The following NOS1AP variants were observed in gnomAD, a reference collection of about 807,000 sequenced individuals.
The protein encoded by NOS1AP is carboxyl-terminal PDZ ligand of neuronal nitric oxide synthase protein.
NOS1AP carries 21 observed loss-of-function variants against 56.2 expected under a neutral mutation model. That is an observed-to-expected ratio of 0.37 (90% CI 0.26 to 0.54). The LOEUF (loss-of-function observed/expected upper bound fraction) is 0.54, where lower values mean the gene tolerates loss of function less well. Ranked by LOEUF, NOS1AP falls within the 20% of genes least tolerant of loss-of-function variation. The pLI, the probability that NOS1AP is intolerant of heterozygous loss-of-function variation, is 0.84. For missense variants in NOS1AP, 522 were observed against 657.8 expected, an observed-to-expected ratio of 0.79 and a Z score of 2.26; for synonymous variants, 270 against 274.6, an observed-to-expected ratio of 0.98 and a Z score of 0.17.
chr1:162,260,408 G>A (rs749135382), intron 2 of NOS1AP, among the ~76,000 whole-genome samples: 6 of 152,066 alleles, frequency 3.9e-5, no homozygotes, highest in Non-Finnish European at 8.8e-5. Context: ...CTAGGGCTTG[G>A]TATTCAGAAC....
intron 1 of NOS1AP, among the ~76,000 whole-genome samples, chr1:162,094,388 T>G (rs551083905): frequency 6.6e-6 from 1 of 152,322 alleles, no homozygotes; most frequent in South Asian, 2.1e-4. Context: ...GATTGAAATG[T>G]TGGTGGTGTG....
At chr1:162,257,785 C>T (rs1654081496) in intron 2 of NOS1AP, among the ~76,000 whole-genome samples, 1 of 152,082 alleles carries the variant, frequency 6.6e-6, no homozygotes, top group Non-Finnish European at 1.5e-5. Context: ...TATCTTGAGG[C>T]CTCTGTGGCA....
intron 3 of NOS1AP, among the ~76,000 whole-genome samples, chr1:162,292,653 T>C (rs906681284): frequency 3.9e-5 from 6 of 152,186 alleles, no homozygotes; most frequent in African/African-American, 1.4e-4. Context: ...TTGGACCCCT[T>C]TGGATAATAA....
intron 2 of NOS1AP, among the ~76,000 whole-genome samples, chr1:162,239,824 G>A (rs1653426614): frequency 6.6e-6 from 1 of 152,222 alleles, no homozygotes; most frequent in Non-Finnish European, 1.5e-5. Flanking sequence ...AACTCAATGA[G>A]TATAATGACT....
intron 4 of NOS1AP, among the ~76,000 whole-genome samples, chr1:162,320,722 C>T (rs1022527679): frequency 3.3e-5 from 5 of 152,142 alleles, no homozygotes; most frequent in Admixed American, 2.0e-4. Context: ...AGCGTGGTGG[C>T]GCGCGCCTGT....
chr1:162,097,783 C>T (rs1208449959), intron 1 of NOS1AP, among the ~76,000 whole-genome samples: 1 of 152,184 alleles, frequency 6.6e-6, no homozygotes, highest in Non-Finnish European at 1.5e-5. Context: ...TGCGATCTAG[C>T]GGGATGATTC....
chr1:162,072,339 T>C (rs928476190), intron 1 of NOS1AP, among the ~76,000 whole-genome samples: 1 of 152,166 alleles, frequency 6.6e-6, no homozygotes, highest in African/African-American at 2.4e-5. Context: ...TTGAGAAATA[T>C]TGGGCTTGAG....
At chr1:162,156,365 C>T (rs976972104) in intron 2 of NOS1AP, among the ~76,000 whole-genome samples, 9 of 152,094 alleles carry the variant, frequency 5.9e-5, no homozygotes, top group Admixed American at 3.3e-4. Flanking sequence ...AGGCATGTGG[C>T]CTGAATGCAT....
chr1:162,287,267 C>T, intron 2 of NOS1AP, 77 bp from the exon 3 acceptor site: 1 of 1,053,548 alleles, frequency 9.5e-7, no homozygotes, highest in Non-Finnish European at 1.5e-6. Flanking sequence ...TTTTTCCAGG[C>T]ATGGGCTAGC....
At chr1:162,166,274 C>G (rs974710700) in intron 2 of NOS1AP, among the ~76,000 whole-genome samples, 1 of 152,230 alleles carries the variant, frequency 6.6e-6, no homozygotes, top group African/African-American at 2.4e-5. Context: ...TAGGCATTGT[C>G]CTACTTAAAA....
intron 9 of NOS1AP, among the ~76,000 whole-genome samples, chr1:162,366,085 C>T (rs1658076235): frequency 6.6e-6 from 1 of 152,202 alleles, no homozygotes; most frequent in Non-Finnish European, 1.5e-5. Context: ...GGCTGCACTG[C>T]TCTGCTGGGC....
chr1:162,249,620 CAATT>C (rs1303424793), intron 2 of NOS1AP, among the ~76,000 whole-genome samples: 2 of 152,108 alleles, frequency 1.3e-5, no homozygotes, highest in Admixed American at 6.5e-5. Context: ...TACATGAGCT[CAATT>C]AATCATCTAT....
chr1:162,273,032 A>G lies in NOS1AP; in HGVS notation c.178-14312A>G, dbSNP rs371297886. Reference sequence around the variant, plus strand: ...TCCATTGCCCTAGCTTAGTGACCCTACCAGTGCCTGGACTGGCTGTGTATA... The same window carrying G: ...TCCATTGCCCTAGCTTAGTGACCCTGCCAGTGCCTGGACTGGCTGTGTATA... On this transcript the variant is annotated intron_variant, in intron 2 of 9. Coordinates refer to ENST00000361897, the MANE Select transcript of NOS1AP (RefSeq NM_014697.3). 9.3e-4 allele frequency among the ~76,000 whole-genome samples: 142 copies of G among 152,018 alleles called. 4 individuals carry two copies. The South Asian group carries it at 0.029, about 31-fold the overall frequency.
chr1:162,081,761 T>TATATAGATATATAG lies in NOS1AP; in HGVS notation c.105+11484_105+11485insGATATATAGATATA, dbSNP rs1190361732. 4.3e-4 allele frequency among the ~76,000 whole-genome samples: 10 copies of TATATAGATATATAG among 23,480 alleles called. 1 individual carries two copies. The highest frequency in any genetic ancestry group is 6.9e-4 in the African/African-American group (10 of 14,510). 15.4% of individuals were successfully genotyped at this position (23,480 alleles called of 152,430 possible). ...ATCTATATCTATATCTATAGATATA[T>TATATAGATATATAG]ATATATATATATATTTTTTTTTTGT... On this transcript the variant is annotated intron_variant, in intron 1 of 9. Transcript: ENST00000361897.
intron 2 of NOS1AP, among the ~76,000 whole-genome samples, chr1:162,191,016 G>A (rs1022661919): frequency 6.6e-5 from 10 of 152,152 alleles, no homozygotes; most frequent in South Asian, 2.1e-4. Context: ...GCTCCCTATC[G>A]TGTTACTTTT....
At chr1:162,212,049 T>A (rs568921180) in intron 2 of NOS1AP, among the ~76,000 whole-genome samples, 1 of 152,310 alleles carries the variant, frequency 6.6e-6, no homozygotes, top group African/African-American at 2.4e-5. Context: ...ATGCTATAGC[T>A]GGGGAAGGAC....
At chr1:162,293,577 T>G (rs564842152) in intron 3 of NOS1AP, among the ~76,000 whole-genome samples, 3 of 152,354 alleles carry the variant, frequency 2.0e-5, no homozygotes, top group Admixed American at 1.3e-4. Context: ...CATGGAGGAC[T>G]TGACATTTGC....
chr1:162,235,572 C>T (rs189839482), intron 2 of NOS1AP, among the ~76,000 whole-genome samples: 11 of 152,280 alleles, frequency 7.2e-5, no homozygotes, highest in Admixed American at 2.0e-4. Flanking sequence ...GTCAACAGTG[C>T]GGAAACATGC....
At chr1:162,177,032 A>G (rs1651085619) in intron 2 of NOS1AP, among the ~76,000 whole-genome samples, 1 of 152,140 alleles carries the variant, frequency 6.6e-6, no homozygotes, top group Non-Finnish European at 1.5e-5. Flanking sequence ...CCTCAATTCT[A>G]CCTGGACAAT....
Sources: gnomAD v4.1 joint callset for allele counts (sites outside exome capture counted in the v4.1 genomes callset) on GRCh38, gnomAD v4.1.1 for gene constraint, MANE v1.5 for transcripts, NCBI Gene and HGNC (gene_info 2026-07-23, HGNC 2026-07-21) for gene names.